Variants in DYNC1I1 observed in about 807,000 individuals in gnomAD.
DYNC1I1 encodes the protein dynein cytoplasmic 1 intermediate chain 1.
Under a neutral mutation model 86.6 loss-of-function variants are expected in DYNC1I1, and 43 were observed. That is an observed-to-expected ratio of 0.50 (90% CI 0.39 to 0.64). The LOEUF (loss-of-function observed/expected upper bound fraction) is 0.64, where lower values mean the gene tolerates loss of function less well. Ranked by LOEUF, DYNC1I1 falls within the 30% of genes least tolerant of loss-of-function variation. The pLI, the probability that DYNC1I1 is intolerant of heterozygous loss-of-function variation, is 0.00. For missense variants in DYNC1I1, 604 were observed against 788.8 expected (o/e 0.77, Z 2.81); for synonymous variants, 262 against 283.7 (o/e 0.92, Z 0.77).
At chr7:96,085,353 T>C (rs369860753) in intron 16 of DYNC1I1, among the ~76,000 whole-genome samples, 2 of 152,162 alleles carry the variant, frequency 1.3e-5, no homozygotes, top group East Asian at 3.8e-4. Context: ...CAGACTGAGT[T>C]TGTCCATCTC....
intron 6 of DYNC1I1, among the ~76,000 whole-genome samples, chr7:95,968,824 C>CTGTGTGTGTGTGTGTG (rs56022930): frequency 9.5e-5 from 9 of 94,412 alleles, no homozygotes; most frequent in Admixed American, 2.2e-4. Context: ...ATTTTTTGCT[C>CTGTGTGTGTGTGTGTG]TGTGTGTGTG....
At chr7:95,799,379 A>G (rs974643258) in intron 1 of DYNC1I1, among the ~76,000 whole-genome samples, 5 of 152,076 alleles carry the variant, frequency 3.3e-5, no homozygotes, top group African/African-American at 1.2e-4. Flanking sequence ...ACTCTGTCCC[A>G]GAAAAAAAAG....
chr7:95,893,258 TA>T (rs1790791439), intron 6 of DYNC1I1, among the ~76,000 whole-genome samples: 1 of 152,184 alleles, frequency 6.6e-6, no homozygotes, highest in African/African-American at 2.4e-5. Context: ...GTTTGAGAAA[TA>T]TAAATAAGGG....
At chr7:95,945,706 A>G (rs951182336) in intron 6 of DYNC1I1, among the ~76,000 whole-genome samples, 1 of 152,176 alleles carries the variant, frequency 6.6e-6, no homozygotes, top group African/African-American at 2.4e-5. Flanking sequence ...ATATGTATAT[A>G]TATCTTTTCT....
intron 14 of DYNC1I1, among the ~76,000 whole-genome samples, chr7:96,063,333 G>A (rs1201626119): frequency 8.5e-5 from 13 of 152,116 alleles, no homozygotes; most frequent in Admixed American, 2.0e-4. Context: ...GGAACTGTGC[G>A]CATGTGTCTG....
At chr7:96,103,412 A>G (rs1791165959), downstream of DYNC1I1, among the ~76,000 whole-genome samples, 2 of 152,180 alleles carry the variant, frequency 1.3e-5, no homozygotes, top group Admixed American at 1.3e-4. Flanking sequence ...CCAAGCCATC[A>G]TCATCTCTGT....
At chr7:96,046,636 G>T (rs1278682812) in intron 14 of DYNC1I1, among the ~76,000 whole-genome samples, 9 of 152,214 alleles carry the variant, frequency 5.9e-5, no homozygotes, top group Admixed American at 5.9e-4. Flanking sequence ...AAGAAGCCCA[G>T]TTGTAAGTCT....
Position 95,869,937 on chromosome 7 carries a change from A to G in DYNC1I1, c.429A>G (p.Pro143=). ...AGGTCACCCAAGTGGATTTCCTGCC[A>G]AGGGAAGTAGTGTCCTACTCAAAGG... The part of the protein sequence containing the change: ...VSKVTQVDFL[P]REVVSYSKET... Residue 143 remains proline, a synonymous_variant, in exon 6 of 17, where the codon CCA becomes CCG. Transcript: ENST00000447467. The G allele has an allele frequency of 6.2e-7, 1 of 1,614,060 alleles. No individual in the cohort carries two copies. The highest frequency in any genetic ancestry group is 8.5e-7 in the Non-Finnish European group (1 of 1,179,930).
chr7:96,094,767 G>A (rs1195671203), intron 16 of DYNC1I1, among the ~76,000 whole-genome samples: 1 of 152,148 alleles, frequency 6.6e-6, no homozygotes, highest in Non-Finnish European at 1.5e-5. Flanking sequence ...CAGTCAACAA[G>A]ATGAAAAGGA....
At chr7:95,813,119 C>G in intron 3 of DYNC1I1, 128 bp from the exon 4 acceptor site, 2 of 1,225,884 alleles carry the variant, frequency 1.6e-6, no homozygotes, top group East Asian at 3.1e-5. Context: ...TTTATCCCAT[C>G]TCAATGTCTC....
intron 9 of DYNC1I1, among the ~76,000 whole-genome samples, chr7:95,987,584 T>A (rs1793627320): frequency 6.6e-6 from 1 of 152,216 alleles, no homozygotes; most frequent in Admixed American, 6.5e-5. Context: ...GGATTTCTTT[T>A]TCCTCTGACC....
intron 4 of DYNC1I1, chr7:95,818,472 AAT>A: frequency 1.8e-6 from 1 of 552,398 alleles, no homozygotes. Context: ...CAGCTGATTT[AAT>A]TTTTTTTTTT....
chr7:95,782,445 G>T (rs192198245), intron 1 of DYNC1I1, among the ~76,000 whole-genome samples: 5 of 152,280 alleles, frequency 3.3e-5, no homozygotes, highest in African/African-American at 1.2e-4. Flanking sequence ...CCATTTGTGG[G>T]ACTTGCAATA....
In DYNC1I1 at chr7:95,841,365, C is replaced by G. The variant is rs138755703; in HGVS notation, c.374+13249C>G. Among the ~76,000 whole-genome samples, 772 of 152,208 alleles carry G rather than the reference C, an allele frequency of 5.1e-3. 9 individuals are homozygous for G. Among genetic ancestry groups the G allele is most frequent in the African/African-American group, 0.017 (705 of 41,526 alleles). ...CAGAAGCCAGATCCATGGGTAGCAG[C>G]TGGAAAAGTCAAGGTACTAGATGTA... On this transcript the variant is annotated intron_variant, in intron 5 of 16. Transcript: ENST00000447467.
chr7:95,897,339 CTT>C (rs1254553552), intron 6 of DYNC1I1, among the ~76,000 whole-genome samples: 1 of 152,088 alleles, frequency 6.6e-6, no homozygotes, highest in Non-Finnish European at 1.5e-5. Flanking sequence ...AGTTAAAACT[CTT>C]TTGAAGGTAG....
chr7:96,060,007 T>C (rs1789716072), intron 14 of DYNC1I1, among the ~76,000 whole-genome samples: 1 of 152,232 alleles, frequency 6.6e-6, no homozygotes, highest in Non-Finnish European at 1.5e-5. Flanking sequence ...GCTTATTAGA[T>C]AATTTTACAG....
intron 16 of DYNC1I1, among the ~76,000 whole-genome samples, chr7:96,093,668 C>G (rs186019416): frequency 2.0e-5 from 3 of 152,094 alleles, no homozygotes; most frequent in African/African-American, 7.2e-5. Flanking sequence ...TGAGTCATCC[C>G]TAACCTATGA....
rs150653063 is a variant in DYNC1I1, at chr7:96,038,689, A to G, written c.1365-588A>G. 9.8e-5 allele frequency among the ~76,000 whole-genome samples: 15 copies of G among 152,296 alleles called. No individual in the cohort carries two copies. The East Asian group carries it at 2.3e-3, about 23-fold the overall frequency. ...TGTCTTCTGTTTTCAGTAAAGAGAAAACATTATTTTCTCCATATTATATTT... is the reference window on the plus strand; with the variant it reads ...TGTCTTCTGTTTTCAGTAAAGAGAAGACATTATTTTCTCCATATTATATTT... On this transcript the variant is annotated intron_variant, in intron 13 of 16. Transcript: ENST00000447467.
intron 6 of DYNC1I1, among the ~76,000 whole-genome samples, chr7:95,883,256 T>C (rs562242711): frequency 6.6e-6 from 1 of 152,298 alleles, no homozygotes; most frequent in East Asian, 1.9e-4. Context: ...TGTGTCCCTG[T>C]GTGAGAAATT....
Sources: allele counts gnomAD v4.1 joint callset (sites outside exome capture counted in the v4.1 genomes callset), GRCh38; gene constraint gnomAD v4.1.1; transcripts MANE v1.5; gene names NCBI Gene and HGNC (gene_info 2026-07-23, HGNC 2026-07-21).